PDE1C: variants seen among roughly 807,000 people sequenced by gnomAD.
The protein encoded by PDE1C is phosphodiesterase 1C.
PDE1C carries 62 observed loss-of-function variants against 93.1 expected under a neutral mutation model. That is an observed-to-expected ratio of 0.67 (90% CI 0.54 to 0.82). The LOEUF (loss-of-function observed/expected upper bound fraction) is 0.82, where lower values mean the gene tolerates loss of function less well. Among genes scored for constraint, PDE1C ranks in the 40% least tolerant of loss-of-function variants. PDE1C has a pLI of 0.00. For missense variants in PDE1C, 742 were observed against 884.6 expected, an observed-to-expected ratio of 0.84 and a Z score of 2.04; for synonymous variants, 325 against 310.1, an observed-to-expected ratio of 1.05 and a Z score of -0.50.
chr7:31,695,645 A>T, the PDE1C span: 7 of 1,590,916 alleles, frequency 4.4e-6, no homozygotes, highest in Admixed American at 1.3e-4. Flanking sequence ...TCATCTGCAC[A>T]GCTGTAAAGG....
At chr7:31,651,972 G>A in the PDE1C span, 2 of 1,604,322 alleles carry the variant, frequency 1.2e-6, no homozygotes, top group South Asian at 2.3e-5. Context: ...CGTTACGTGA[G>A]GCCCTGAGGC....
intron 1 of PDE1C, among the ~76,000 whole-genome samples, chr7:32,055,753 C>T (rs1407508938): frequency 6.6e-6 from 1 of 152,210 alleles, no homozygotes; most frequent in Non-Finnish European, 1.5e-5. Context: ...GGGAATCTCA[C>T]TCTGTCGCCC....
chr7:32,374,307 GAA>G lies in PDE1C; in HGVS notation c.310+53513_310+53514del, dbSNP rs1562696108. Among the ~76,000 whole-genome samples, 320 of 144,322 alleles carry G rather than the reference GAA, an allele frequency of 2.2e-3. 4 individuals are homozygous for G. Among genetic ancestry groups the G allele is most frequent in the African/African-American group, 8.0e-3 (303 of 37,944 alleles). The allele number at this position is 144,322 out of a possible 152,430, so 94.7% of individuals were successfully genotyped here. On this transcript the variant is annotated intron_variant, in intron 1 of 1. Transcript: ENST00000672256. ...AGAAAGAAAGAAAGAAAGAAAGAAA[GAA>G]GAAAAGAAAAGAAAACTATGTTCTC...
At chr7:32,207,286 G>A (rs1050033103) in intron 2 of PDE1C, among the ~76,000 whole-genome samples, 11 of 150,618 alleles carry the variant, frequency 7.3e-5, no homozygotes, top group South Asian at 2.1e-4. Flanking sequence ...ACTGGGCAAC[G>A]CACACTGTCA....
chr7:32,419,871 C>T (rs938603844), intron 1 of PDE1C, among the ~76,000 whole-genome samples: 18 of 151,210 alleles, frequency 1.2e-4, no homozygotes, highest in Admixed American at 3.3e-4. Flanking sequence ...TCATCCTGTC[C>T]GCTGTGTGAC....
chr7:31,712,402 G>A, the PDE1C span, among the ~76,000 whole-genome samples: 1 of 152,234 alleles, frequency 6.6e-6, no homozygotes. Context: ...TAATAGACTA[G>A]ATAGTCGCTA....
intron 7 of PDE1C, among the ~76,000 whole-genome samples, chr7:31,851,828 T>G (rs3801348): frequency 6.6e-6 from 1 of 152,108 alleles, no homozygotes; most frequent in Non-Finnish European, 1.5e-5. Context: ...TATCAAAATA[T>G]GTGTGACAAC....
chr7:32,307,926 G>A (rs112677810), intron 1 of PDE1C, among the ~76,000 whole-genome samples: 6,554 of 152,310 alleles, frequency 0.043, 203 homozygotes, highest in African/African-American at 0.081. Flanking sequence ...GAAGCAGGGC[G>A]AGGCATTGTC....
At chr7:32,150,164 T>C (rs865921611) in intron 3 of PDE1C, among the ~76,000 whole-genome samples, 30 of 152,218 alleles carry the variant, frequency 2.0e-4, no homozygotes, top group African/African-American at 6.8e-4. Flanking sequence ...GCTGCTCATA[T>C]TCCCAAAGTG....
the PDE1C span, among the ~76,000 whole-genome samples, chr7:31,739,346 T>G: frequency 3.9e-5 from 6 of 151,908 alleles, no homozygotes; most frequent in Non-Finnish European, 5.9e-5. Context: ...AAGGGTAGGG[T>G]GCAAGAGAGC....
At chr7:31,728,688 T>C in the PDE1C span, among the ~76,000 whole-genome samples, 1 of 152,196 alleles carries the variant, frequency 6.6e-6, no homozygotes, top group East Asian at 1.9e-4. Context: ...GAGGCTGTCA[T>C]GCAAATATTG....
chr7:32,398,796 C>T lies in PDE1C; in HGVS notation c.310+29026G>A, dbSNP rs577942711. ...TACTCTCCTTCCATCCTCCATTCTT[C>T]GGCACATTCTCATTGGCACAACCCA... On this transcript the variant is annotated intron_variant, in intron 1 of 1. Coordinates refer to the PDE1C transcript ENST00000672256. Among the ~76,000 whole-genome samples the T allele has an allele frequency of 5.3e-5, 8 of 152,084 alleles. No individual in the cohort carries two copies. The South Asian group carries it at 1.2e-3, about 24-fold the overall frequency.
chr7:31,738,283 A>G, the PDE1C span, among the ~76,000 whole-genome samples: 1 of 152,198 alleles, frequency 6.6e-6, no homozygotes, highest in Non-Finnish European at 1.5e-5. Context: ...ATTACAAAGG[A>G]AAGAGGTTTA....
In PDE1C at chr7:32,392,272, A is replaced by G. The variant is rs1012486852; in HGVS notation, c.310+35550T>C. The stretch of plus-strand genomic sequence containing the variant: ...CATGTTAGAAAATCTGACTAAACCT[A>G]TAAGTAATAAATTGAATTCATAGTA... On this transcript the variant is annotated intron_variant, in intron 1 of 1. Coordinates refer to the PDE1C transcript ENST00000672256. Among the ~76,000 whole-genome samples, 4 of 152,194 alleles carry G rather than the reference A, an allele frequency of 2.6e-5. No individual in the cohort carries two copies. In the South Asian group the frequency reaches 8.3e-4, roughly 31 times the overall value.
At chr7:32,401,020 T>C (rs1012704015) in intron 1 of PDE1C, among the ~76,000 whole-genome samples, 36 of 151,768 alleles carry the variant, frequency 2.4e-4, no homozygotes, top group African/African-American at 8.5e-4. Context: ...ATACATAGGC[T>C]GCCCGTATAC....
chr7:31,816,836 C>G (rs1227073727), intron 14 of PDE1C, among the ~76,000 whole-genome samples: 1 of 151,964 alleles, frequency 6.6e-6, no homozygotes, highest in Non-Finnish European at 1.5e-5. Context: ...TTAGTTTGGC[C>G]AGGTACCTGG....
rs1583746535 is a variant in PDE1C at position 31,878,994 on chromosome 7, A to C, written c.425+2T>G. The C allele has an allele frequency of 1.2e-6, 2 of 1,612,822 alleles. No homozygotes were observed. Among genetic ancestry groups the C allele is most frequent in the Non-Finnish European group, 1.7e-6 (2 of 1,179,014 alleles). ...CTAAATGACAATGAATGACATCTTT[A>C]CCTCTCCACAAATATCCCAGCCTGC... On this transcript the variant is annotated splice_donor_variant, in intron 4 of 17. Transcript: ENST00000396191. LOFTEE classifies it high-confidence loss of function.
At chr7:31,873,108 C>T (rs1347341382) in intron 6 of PDE1C, among the ~76,000 whole-genome samples, 184 bp downstream of exon 6, 1 of 152,160 alleles carries the variant, frequency 6.6e-6, no homozygotes, top group Admixed American at 6.5e-5. Flanking sequence ...GACCCACCAG[C>T]AAGGGCGCAA....
intron 3 of PDE1C, among the ~76,000 whole-genome samples, chr7:32,144,012 T>G (rs1197688984): frequency 6.6e-6 from 1 of 152,000 alleles, no homozygotes; most frequent in Non-Finnish European, 1.5e-5. Flanking sequence ...GCTGCTGAAT[T>G]GAGAGATGGA....
Sources: gnomAD v4.1 joint callset for allele counts (sites outside exome capture counted in the v4.1 genomes callset) on GRCh38, gnomAD v4.1.1 for gene constraint, MANE v1.5 for transcripts, NCBI Gene and HGNC (gene_info 2026-07-23, HGNC 2026-07-21) for gene names.